Variants in IFT88 observed in about 807,000 individuals in gnomAD.
IFT88 encodes intraflagellar transport 88.
IFT88 carries 74 observed loss-of-function variants against 119.5 expected under a neutral mutation model. The observed-to-expected ratio is 0.62, with a 90% CI of 0.51 to 0.75. The LOEUF is 0.75. IFT88 is among the 30% of genes least tolerant of loss of function. The pLI is 0.00. For missense variants in IFT88, 961 were observed against 977.7 expected, an observed-to-expected ratio of 0.98 and a Z score of 0.23; for synonymous variants, 279 against 316.7, an observed-to-expected ratio of 0.88 and a Z score of 1.26.
chr13:20,654,212 A>G lies in IFT88; in HGVS notation c.2002+284A>G, dbSNP rs527687024. Among the ~76,000 whole-genome samples, 5 of 152,360 alleles carry G rather than the reference A, an allele frequency of 3.3e-5. No homozygotes were observed. The South Asian group carries it at 1.0e-3, about 32-fold the overall frequency. On this transcript the variant is annotated intron_variant, in intron 21 of 25. Transcript: ENST00000351808. ...TCATTTTCACAAGTTAGCCACAGAAAAAAATAGGCATACTGTATACATTAT... is the reference window on the plus strand; with the variant it reads ...TCATTTTCACAAGTTAGCCACAGAAGAAAATAGGCATACTGTATACATTAT...
chr13:20,645,230 C>T, intron 20 of IFT88, among the ~76,000 whole-genome samples: 1 of 151,952 alleles, frequency 6.6e-6, no homozygotes, highest in South Asian at 2.1e-4. Flanking sequence ...GCTGGGATTA[C>T]AGTCACGCAC....
At chr13:20,622,494 A>C (rs571405325) in intron 14 of IFT88, among the ~76,000 whole-genome samples, 1 of 152,354 alleles carries the variant, frequency 6.6e-6, no homozygotes, top group South Asian at 2.1e-4. Context: ...AACATTTGGT[A>C]ATGTCAGTGT....
At chr13:20,645,401 A>T (rs1231355440) in intron 20 of IFT88, among the ~76,000 whole-genome samples, 3 of 151,940 alleles carry the variant, frequency 2.0e-5, no homozygotes, top group African/African-American at 7.2e-5. Context: ...AATTATTTTT[A>T]TTTTCTTATA....
intron 20 of IFT88, among the ~76,000 whole-genome samples, chr13:20,649,167 C>CCTAA (rs1311667171): frequency 6.6e-6 from 1 of 152,074 alleles, no homozygotes; most frequent in Non-Finnish European, 1.5e-5. Flanking sequence ...ACCAGGTAGA[C>CCTAA]CTAACAGTCA....
At chr13:20,624,926 A>C (rs1216577328) in intron 14 of IFT88, among the ~76,000 whole-genome samples, 1 of 152,218 alleles carries the variant, frequency 6.6e-6, no homozygotes, top group East Asian at 1.9e-4. Flanking sequence ...TACTCTTAGC[A>C]AATTTTAAGT....
chr13:20,598,704 A>C lies in IFT88; in HGVS notation c.648A>C (p.Ala216=). ...CAGTTAATGAAATGTATGCCGAAGC[A>C]CTTAACACTTATCAAGTTATAGTCA... is the stretch of plus-strand genomic sequence containing the variant. ...QYSVNEMYAE[A]LNTYQVIVKN... The change falls in exon 10 of 26, where the codon GCA becomes GCC. Residue 216 remains alanine, a synonymous_variant. Transcript: ENST00000351808. 1 of 1,611,320 alleles carries C rather than the reference A, an allele frequency of 6.2e-7. No individual in the cohort carries two copies.
rs573747482 is a variant in IFT88, at chr13:20,621,058, G to GT, written c.1200-4684dup. Among the ~76,000 whole-genome samples the GT allele has an allele frequency of 5.4e-3, 823 of 151,654 alleles. 6 individuals are homozygous for GT. The highest frequency in any genetic ancestry group is 6.8e-3 in the Non-Finnish European group (458 of 67,832). On this transcript the variant is annotated intron_variant, in intron 14 of 25. Transcript: ENST00000351808. ...TAGGCTACCTAGCTTATGGTTTGGT[G>GT]TTTTTTTTGTTTTGTTTTGTTTTGT...
chr13:20,679,938 A>G (rs1330190256), intron 24 of IFT88, among the ~76,000 whole-genome samples: 4 of 152,174 alleles, frequency 2.6e-5, no homozygotes, highest in Non-Finnish European at 4.4e-5. Flanking sequence ...TTTTGTTTAT[A>G]TGCAGGGTGA....
At chr13:20,632,773 T>A (rs1434228310) in intron 16 of IFT88, among the ~76,000 whole-genome samples, 1 of 152,238 alleles carries the variant, frequency 6.6e-6, no homozygotes, top group East Asian at 1.9e-4. Flanking sequence ...CAGCTTTGTG[T>A]TGTGCACAGT....
intron 9 of IFT88, among the ~76,000 whole-genome samples, chr13:20,597,769 A>ATATATATATATATATTTTTT (rs1452719272): frequency 7.0e-6 from 1 of 143,846 alleles, no homozygotes; most frequent in South Asian, 2.2e-4. Flanking sequence ...ATATATATAT[A>ATATATATATATATATTTTTT]TTTTTTTTTT....
chr13:20,651,700 GTTA>G lies in IFT88; in HGVS notation c.1950-2166_1950-2164del, dbSNP rs370492950. On this transcript the variant is annotated intron_variant, in intron 20 of 25. Transcript: ENST00000351808. ...TATAGTATATTGCTTTATTTTATTA[GTTA>G]TTATTATTAACCTCTTACCATGCCT... Among the ~76,000 whole-genome samples the G allele has an allele frequency of 1.6e-3, 242 of 151,724 alleles. 3 individuals are homozygous for G. The South Asian group carries it at 0.029, about 18-fold the overall frequency.
rs182766679 is a variant in IFT88, at chr13:20,601,932, G to A, written c.1040G>A (p.Ser347Asn). Residue 347 changes from serine (S) to asparagine (N), a missense_variant and splice_region_variant, in exon 12 of 26, where the codon AGT becomes AAT. By Grantham distance (46) the Ser-to-Asn change is conservative (BLOSUM62 1). Coordinates refer to ENST00000351808, the MANE Select transcript of IFT88 (RefSeq NM_006531.5). ...EIDEDKYISP[S>N]DDPHTNLVTE... ...GATGAAGATAAATATATTTCACCAA[G>A]TGTGAGTATGAAAAAGACATTTCTG... is the stretch of plus-strand genomic sequence containing the variant. 1,824 of 1,510,516 alleles carry A rather than the reference G, an allele frequency of 1.2e-3. 30 individuals are homozygous for A. The South Asian group carries it at 0.018, about 15-fold the overall frequency. The allele number at this position is 1,510,516 out of a possible 1,614,324, so 93.6% of individuals were successfully genotyped here. A position where few individuals can be genotyped will look rare whatever the true frequency, so the allele number is the denominator to read the frequency against.
chr13:20,677,820 C>T (rs567610971), intron 24 of IFT88, among the ~76,000 whole-genome samples: 3 of 152,180 alleles, frequency 2.0e-5, no homozygotes, highest in South Asian at 4.1e-4. Flanking sequence ...CAATTTATAG[C>T]TCACCAAAAG....
chr13:20,637,100 GACAGAAA>G (rs1398813589), intron 16 of IFT88, among the ~76,000 whole-genome samples: 1 of 152,198 alleles, frequency 6.6e-6, no homozygotes, highest in East Asian at 1.9e-4. Context: ...TAGGCAAGGA[GACAGAAA>G]ACAGATTAGT....
In IFT88 at chr13:20,690,728, A is replaced by G. The variant is rs1386085104; in HGVS notation, c.2266A>G (p.Ser756Gly). Residue 756 changes from serine to glycine, a missense_variant, in exon 25 of 26, where the codon AGT becomes GGT. Transcript: ENST00000351808. ...AGATAGTGGCCAGAACTATAGTGCCAGTAGTAAAGGTGAACGACTAAGTGC... is the reference window on the plus strand; with the variant it reads ...AGATAGTGGCCAGAACTATAGTGCCGGTAGTAAAGGTGAACGACTAAGTGC... ...SGDSGQNYSASSKGERLSARL... is the reference protein window; with the variant it reads ...SGDSGQNYSAGSKGERLSARL... 2 of 1,612,466 alleles carry G rather than the reference A, an allele frequency of 1.2e-6. No homozygotes were observed. Among genetic ancestry groups the G allele is most frequent in the Admixed American group, 3.3e-5 (2 of 60,020 alleles).
intron 15 of IFT88, 88 bp from the exon 16 acceptor site, chr13:20,630,928 C>T (rs969849973): frequency 3.9e-6 from 3 of 776,554 alleles, no homozygotes; most frequent in South Asian, 1.9e-5. Context: ...CTGGTCTTAC[C>T]CTTCAGGAAC....
intron 13 of IFT88, among the ~76,000 whole-genome samples, chr13:20,609,692 C>T (rs1010503832): frequency 2.0e-5 from 3 of 151,804 alleles, no homozygotes; most frequent in African/African-American, 7.3e-5. Context: ...TGCAGTGAGC[C>T]GAGATCATGC....
rs191403735 is a variant in IFT88, at chr13:20,593,326, A to T, written c.398+922A>T. Among the ~76,000 whole-genome samples the T allele has an allele frequency of 2.4e-4, 36 of 152,288 alleles. No homozygotes were observed. The East Asian group carries it at 6.2e-3, about 26-fold the overall frequency. The stretch of plus-strand genomic sequence containing the variant: ...TTCCAAGTACTTTCCCTATGAAAAC[A>T]GAGCTATTATTCTCACTAGTTTATA... On this transcript the variant is annotated intron_variant, in intron 7 of 25. Transcript: ENST00000351808.
At chr13:20,627,069 T>G (rs549558113) in intron 15 of IFT88, among the ~76,000 whole-genome samples, 2 of 152,204 alleles carry the variant, frequency 1.3e-5, no homozygotes, top group Admixed American at 1.3e-4. Flanking sequence ...GCAACCCCAG[T>G]GTTCACGAAA....
Sources: gnomAD v4.1 joint callset for allele counts (sites outside exome capture counted in the v4.1 genomes callset) on GRCh38, gnomAD v4.1.1 for gene constraint, MANE v1.5 for transcripts, NCBI Gene and HGNC (gene_info 2026-07-23, HGNC 2026-07-21) for gene names.